Variants in UNC13C observed in about 807,000 individuals in gnomAD.
The protein encoded by UNC13C is protein unc-13 homolog C.
Under a neutral mutation model 245.4 loss-of-function variants are expected in UNC13C, and 174 were observed. The ratio of observed to expected loss-of-function variants is 0.71; its 90% CI spans 0.63 to 0.80. The LOEUF (loss-of-function observed/expected upper bound fraction) is 0.80. UNC13C is among the 30% of genes least tolerant of loss of function. The pLI, the probability that UNC13C is intolerant of heterozygous loss-of-function variation, is 0.00. For missense variants in UNC13C, 2,829 were observed against 2,602.9 expected (o/e 1.09, Z -1.89); for synonymous variants, 992 against 895.1 (o/e 1.11, Z -1.93).
At chr15:54,004,234 G>C (rs923819820) in intron 1 of UNC13C, among the ~76,000 whole-genome samples, 3 of 151,170 alleles carry the variant, frequency 2.0e-5, no homozygotes, top group African/African-American at 4.9e-5. Context: ...TTGATTTCCA[G>C]ATCCCACAAA....
chr15:54,411,375 G>T, intron 18 of UNC13C, among the ~76,000 whole-genome samples: 2 of 151,766 alleles, frequency 1.3e-5, no homozygotes, highest in African/African-American at 2.4e-5. Context: ...TTATTTTATG[G>T]GTTTACACCT....
chr15:54,452,241 T>C (rs1891220062), intron 19 of UNC13C, among the ~76,000 whole-genome samples: 1 of 152,190 alleles, frequency 6.6e-6, no homozygotes, highest in East Asian at 1.9e-4. Context: ...GGCCAATTCT[T>C]GGGTCTCCAC....
chr15:54,062,528 A>G (rs1198781554), intron 2 of UNC13C, among the ~76,000 whole-genome samples: 1 of 152,058 alleles, frequency 6.6e-6, no homozygotes, highest in Non-Finnish European at 1.5e-5. Flanking sequence ...CTGGTCCTAA[A>G]CATGTGGTGC....
At chr15:54,130,327 C>A (rs2031334281) in intron 2 of UNC13C, among the ~76,000 whole-genome samples, 1 of 113,266 alleles carries the variant, frequency 8.8e-6, no homozygotes, top group Non-Finnish European at 1.6e-5. Flanking sequence ...GAGTCTCAGT[C>A]TGTCTCCCAG....
intron 2 of UNC13C, among the ~76,000 whole-genome samples, chr15:54,059,943 T>G (rs1468779317): frequency 1.3e-5 from 2 of 152,208 alleles, no homozygotes; most frequent in African/African-American, 4.8e-5. Context: ...GATCCCTTCC[T>G]TATACCTTAT....
At chr15:54,152,638 G>T (rs551693309) in intron 4 of UNC13C, among the ~76,000 whole-genome samples, 2 of 152,216 alleles carry the variant, frequency 1.3e-5, no homozygotes, top group South Asian at 4.1e-4. Flanking sequence ...TTAAAGTGGT[G>T]CAAGTTTAGT....
chr15:54,247,959 A>G (rs929024260), intron 7 of UNC13C, among the ~76,000 whole-genome samples: 2 of 152,102 alleles, frequency 1.3e-5, no homozygotes, highest in African/African-American at 2.4e-5. Flanking sequence ...ACTATAATCT[A>G]TGGACTTAGA....
At chr15:54,534,700 G>T (rs908353897) in intron 26 of UNC13C, among the ~76,000 whole-genome samples, 8 of 152,214 alleles carry the variant, frequency 5.3e-5, no homozygotes, top group East Asian at 1.9e-4. Flanking sequence ...ATGATACAAG[G>T]GCTAAAAGAC....
intron 4 of UNC13C, among the ~76,000 whole-genome samples, chr15:54,157,088 A>G (rs1006109644): frequency 6.6e-6 from 1 of 152,200 alleles, no homozygotes; most frequent in African/African-American, 2.4e-5. Flanking sequence ...CCTCTCACCA[A>G]TTGAGTACAA....
intron 2 of UNC13C, among the ~76,000 whole-genome samples, chr15:54,026,752 CCT>C (rs1322013710): frequency 6.6e-6 from 1 of 152,128 alleles, no homozygotes; most frequent in Non-Finnish European, 1.5e-5. Flanking sequence ...GTCTAATTTT[CCT>C]CTGTCAAACC....
chr15:54,205,429 G>A (rs1368771537), intron 4 of UNC13C, among the ~76,000 whole-genome samples: 1 of 151,906 alleles, frequency 6.6e-6, no homozygotes, highest in Non-Finnish European at 1.5e-5. Context: ...ACTAATATCA[G>A]GTTCTTATTG....
chr15:53,907,721 A>ATT, the UNC13C span, among the ~76,000 whole-genome samples: 109 of 149,258 alleles, frequency 7.3e-4, 3 homozygotes, highest in South Asian at 1.5e-3. Context: ...ATTATTATCT[A>ATT]AAGAATTATT....
At chr15:53,877,569 C>CAGAGAGAG in the UNC13C span, among the ~76,000 whole-genome samples, 1 of 149,232 alleles carries the variant, frequency 6.7e-6, no homozygotes, top group South Asian at 2.1e-4. Flanking sequence ...TTTGTGGATA[C>CAGAGAGAG]AGAGAGAGAG....
At chr15:54,307,950 T>C (rs1452257257) in intron 13 of UNC13C, among the ~76,000 whole-genome samples, 3 of 151,932 alleles carry the variant, frequency 2.0e-5, no homozygotes, top group Admixed American at 6.6e-5. Flanking sequence ...GCAAGTGTGA[T>C]GAATATTGTT....
intron 24 of UNC13C, among the ~76,000 whole-genome samples, chr15:54,516,349 G>A (rs1040845735): frequency 3.1e-4 from 47 of 152,172 alleles, no homozygotes; most frequent in Non-Finnish European, 1.0e-4. Context: ...TACCTGATGA[G>A]TTTATGAAAA....
At chr15:54,351,019 A>C (rs371890712) in intron 17 of UNC13C, among the ~76,000 whole-genome samples, 67 of 152,298 alleles carry the variant, frequency 4.4e-4, no homozygotes, top group African/African-American at 1.4e-3. Context: ...ACTTTGTATA[A>C]TAGTTACCCA....
chr15:54,347,025 G>A (rs2038874940), intron 17 of UNC13C, among the ~76,000 whole-genome samples: 1 of 152,126 alleles, frequency 6.6e-6, no homozygotes, highest in South Asian at 2.1e-4. Context: ...TAATCCGAAG[G>A]TTATTTTAGG....
chr15:54,245,382 A>C (rs936037855), intron 7 of UNC13C, among the ~76,000 whole-genome samples: 1 of 152,130 alleles, frequency 6.6e-6, no homozygotes, highest in Non-Finnish European at 1.5e-5. Context: ...GACTCACCCC[A>C]TAAGTTTCTT....
chr15:54,336,762 T>C (rs1339724041), intron 16 of UNC13C, among the ~76,000 whole-genome samples: 1 of 152,156 alleles, frequency 6.6e-6, no homozygotes, highest in East Asian at 1.9e-4. Context: ...TTTCATATTA[T>C]TGTAAAAAAT....
Sources: gnomAD v4.1 joint callset for allele counts (sites outside exome capture counted in the v4.1 genomes callset) on GRCh38, gnomAD v4.1.1 for gene constraint, MANE v1.5 for transcripts, NCBI Gene and HGNC (gene_info 2026-07-23, HGNC 2026-07-21) for gene names.